Variants in EBAG9 observed in about 807,000 individuals in gnomAD.
The protein encoded by EBAG9 is receptor-binding cancer antigen expressed on SiSo cells.
A neutral mutation model predicts 30.9 loss-of-function variants in EBAG9; 16 were observed. That is an observed-to-expected ratio of 0.52 (90% CI 0.35 to 0.79). EBAG9 has a LOEUF of 0.79. Ranked by LOEUF, EBAG9 falls within the 30% of genes least tolerant of loss-of-function variation. The pLI is 0.01. For missense variants in EBAG9, 197 were observed against 242.1 expected (o/e 0.81, Z 1.24); for synonymous variants, 93 against 82.8 (o/e 1.12, Z -0.67).
At chr8:109,554,087 A>G (rs1821548811) in intron 3 of EBAG9, 144 bp downstream of exon 3, 2 of 561,708 alleles carry the variant, frequency 3.6e-6, no homozygotes, top group South Asian at 6.7e-5. Flanking sequence ...TGGTCTGAAA[A>G]TTCTATTTGG....
At chr8:109,549,230 A>C (rs1821446725) in intron 1 of EBAG9, among the ~76,000 whole-genome samples, 1 of 151,984 alleles carries the variant, frequency 6.6e-6, no homozygotes. Flanking sequence ...AAACCAATCC[A>C]ACATTTCCAA....
intron 6 of EBAG9, among the ~76,000 whole-genome samples, chr8:109,562,403 A>G (rs1821728968): frequency 6.6e-6 from 1 of 152,114 alleles, no homozygotes. Context: ...TCCGTAATAG[A>G]CATGCTTCAT....
intron 1 of EBAG9, among the ~76,000 whole-genome samples, chr8:109,548,799 G>A (rs1019584601): frequency 2.7e-5 from 4 of 150,768 alleles, no homozygotes; most frequent in East Asian, 1.9e-4. Flanking sequence ...GGTAGATCCC[G>A]TTGAATTTTC....
intron 5 of EBAG9, 88 bp downstream of exon 5, chr8:109,557,130 T>C: frequency 1.3e-6 from 1 of 754,254 alleles, no homozygotes; most frequent in Non-Finnish European, 2.0e-6. Flanking sequence ...GAGTTTAACA[T>C]AGTATTTATA....
In EBAG9 at chr8:109,554,757, A is replaced by G. The variant is rs772863144; in HGVS notation, c.191A>G (p.Asp64Gly). 1 of 1,613,488 alleles carries G rather than the reference A, an allele frequency of 6.2e-7. No individual in the cohort carries two copies. The highest frequency in any genetic ancestry group is 8.5e-7 in the Non-Finnish European group (1 of 1,179,644). ...GATGTTGAAGAGTGGACTTCCTGGG[A>G]TGAAGATGCACCCACCAGTGTAAAG... ...QTDVEEWTSW[D>G]EDAPTSVKIE... Residue 64 changes from aspartate (D) to glycine (G), a missense_variant, in exon 4 of 7, where the codon GAT becomes GGT. Asp to Gly is a moderately conservative substitution (Grantham distance 94). Coordinates refer to ENST00000337573, the MANE Select transcript of EBAG9 (RefSeq NM_004215.5).
chr8:109,558,801 T>A (rs1317086707), intron 5 of EBAG9, among the ~76,000 whole-genome samples: 1 of 152,228 alleles, frequency 6.6e-6, no homozygotes, highest in Non-Finnish European at 1.5e-5. Flanking sequence ...TTTATTCTTT[T>A]CTAGAATTCA....
In EBAG9 at chr8:109,553,891, G is replaced by A. The variant is rs1278184223; in HGVS notation, c.110G>A (p.Gly37Glu). ...CRSGRGRKLSGDQITLPTTVD... is the reference protein window; with the variant it reads ...CRSGRGRKLSEDQITLPTTVD... The stretch of plus-strand genomic sequence containing the variant: ...TCTGGCAGAGGACGGAAATTAAGTG[G>A]AGACCAAATAACTTTGCCAACTACA... Residue 37 changes from glycine (G) to glutamate (E), a missense_variant, in exon 3 of 7, where the codon GGA (glycine) becomes GAA (glutamate). Gly to Glu is a moderately conservative substitution (Grantham distance 98). Transcript: ENST00000337573. 3 of 1,608,372 alleles carry A rather than the reference G, an allele frequency of 1.9e-6. No homozygotes were observed. The highest frequency in any genetic ancestry group is 2.5e-6 in the Non-Finnish European group (3 of 1,178,374).
Position 109,553,947 on chromosome 8 carries a change from G to C in EBAG9, c.162+4G>C, listed in dbSNP as rs536248169. The C allele has an allele frequency of 1.9e-6, 3 of 1,590,570 alleles. No homozygotes were observed. The East Asian group carries it at 6.9e-5, about 36-fold the overall frequency. The stretch of plus-strand genomic sequence containing the variant: ...TTATTCATCAGTTCCTAAGCAGGTA[G>C]GTTTTTTTTGTGTGTTCTTTTGTTT... On this transcript the variant is annotated splice_donor_region_variant and intron_variant, in intron 3 of 6. Transcript: ENST00000337573.
intron 4 of EBAG9, among the ~76,000 whole-genome samples, chr8:109,555,800 G>A (rs780908813): frequency 7.9e-5 from 12 of 152,046 alleles, no homozygotes; most frequent in African/African-American, 2.2e-4. Flanking sequence ...GAGTATTTTC[G>A]TTTTTATTTA....
At chr8:109,563,889 C>A (rs1821761486) in intron 6 of EBAG9, among the ~76,000 whole-genome samples, 1 of 152,068 alleles carries the variant, frequency 6.6e-6, no homozygotes, top group South Asian at 2.1e-4. Context: ...GAGTTAGTCA[C>A]ATGTTAATCC....
chr8:109,562,071 A>G (rs1057351245), intron 6 of EBAG9, among the ~76,000 whole-genome samples: 22 of 152,092 alleles, frequency 1.4e-4, no homozygotes, highest in Non-Finnish European at 2.4e-4. Context: ...ATCAAAAAAG[A>G]TAAATCATCT....
chr8:109,563,548 C>G (rs747011808), intron 6 of EBAG9: 2 of 1,573,778 alleles, frequency 1.3e-6, no homozygotes, highest in Admixed American at 3.6e-5. Flanking sequence ...ATGTATTTCA[C>G]AAAGTATGAT....
chr8:109,543,878 A>G (rs1370322484), intron 1 of EBAG9, among the ~76,000 whole-genome samples: 1 of 152,032 alleles, frequency 6.6e-6, no homozygotes, highest in Non-Finnish European at 1.5e-5. Context: ...TAAAAATACA[A>G]AAATTAGCGG....
rs116624288 is a variant in EBAG9 at position 109,548,363 on chromosome 8, A to G, written c.-15-2447A>G. Among the ~76,000 whole-genome samples the G allele has an allele frequency of 5.2e-3, 786 of 152,174 alleles. 11 individuals are homozygous for G. The highest frequency in any genetic ancestry group is 0.017 in the African/African-American group (713 of 41,518). On this transcript the variant is annotated intron_variant, in intron 1 of 6. Transcript: ENST00000337573. The stretch of plus-strand genomic sequence containing the variant: ...GATCTATTCGTGTATTTTGATTCCA[A>G]TACTACACAGTTTTGATTACTGAAG...
intron 4 of EBAG9, among the ~76,000 whole-genome samples, chr8:109,556,464 A>G (rs545801928): frequency 2.2e-4 from 34 of 152,254 alleles, no homozygotes; most frequent in African/African-American, 6.7e-4. Context: ...AACCTAGTAT[A>G]TTGCTATAGT....
chr8:109,554,036 C>G (rs1244723498), intron 3 of EBAG9, 93 bp downstream of exon 3: 5 of 840,140 alleles, frequency 6.0e-6, no homozygotes, highest in Admixed American at 3.8e-5. Flanking sequence ...GATTGCAGAT[C>G]ATTAATAGAA....
chr8:109,554,903 T>C lies in EBAG9; in HGVS notation c.321+16T>C. On this transcript the variant is annotated intron_variant, in intron 4 of 6. Coordinates refer to ENST00000337573, the MANE Select transcript of EBAG9 (RefSeq NM_004215.5). Reference sequence around the variant, plus strand: ...AACTCAGAAAGTATGTTAAGATTTATGCTTTTGGAGATTAAACTACTTTTT... The same window carrying C: ...AACTCAGAAAGTATGTTAAGATTTACGCTTTTGGAGATTAAACTACTTTTT... 2 of 1,608,030 alleles carry C rather than the reference T, an allele frequency of 1.2e-6. No homozygotes were observed. The highest frequency in any genetic ancestry group is 1.7e-6 in the Non-Finnish European group (2 of 1,176,392).
At chr8:109,545,628 G>A (rs957337538) in intron 1 of EBAG9, among the ~76,000 whole-genome samples, 2 of 152,096 alleles carry the variant, frequency 1.3e-5, no homozygotes, top group Non-Finnish European at 1.5e-5. Flanking sequence ...CTCCCAAAGC[G>A]CTGGGACTAC....
At chr8:109,549,166 G>T (rs1331725384) in intron 1 of EBAG9, among the ~76,000 whole-genome samples, 2 of 151,170 alleles carry the variant, frequency 1.3e-5, no homozygotes, top group Non-Finnish European at 3.0e-5. Context: ...TGTTTATATG[G>T]TTTTTTGTTT....
Sources: gnomAD v4.1 joint callset for allele counts (sites outside exome capture counted in the v4.1 genomes callset) on GRCh38, gnomAD v4.1.1 for gene constraint, MANE v1.5 for transcripts, NCBI Gene and HGNC (gene_info 2026-07-23, HGNC 2026-07-21) for gene names.